Variants in CCSER1 observed in about 807,000 individuals in gnomAD.
CCSER1 encodes serine-rich coiled-coil domain-containing protein 1.
A neutral mutation model predicts 82.0 loss-of-function variants in CCSER1; 41 were observed. That is an observed-to-expected ratio of 0.50 (90% confidence interval 0.39 to 0.65). The LOEUF is 0.65. Ranked by LOEUF, CCSER1 falls within the 30% of genes least tolerant of loss-of-function variation. The pLI is 0.00. For missense variants in CCSER1, 1,119 were observed against 1,064.2 expected, an observed-to-expected ratio of 1.05 and a Z score of -0.72; for synonymous variants, 414 against 383.9, an observed-to-expected ratio of 1.08 and a Z score of -0.92.
chr4:91,348,505 A>G (rs1748227737), intron 10 of CCSER1, among the ~76,000 whole-genome samples: 1 of 152,208 alleles, frequency 6.6e-6, no homozygotes, highest in Admixed American at 6.5e-5. Context: ...GTTAGGAAAT[A>G]TTCCCACTAC....
intron 5 of CCSER1, among the ~76,000 whole-genome samples, chr4:90,470,284 A>G (rs1764188658): frequency 6.6e-6 from 1 of 152,132 alleles, no homozygotes; most frequent in African/African-American, 2.4e-5. Context: ...ATCTCCTAAA[A>G]TATATCTTCA....
rs192601726 is a variant in CCSER1, at chr4:90,163,034, C to T, written c.-42+35203C>T. 7.0e-3 allele frequency among the ~76,000 whole-genome samples: 1,058 copies of T among 152,164 alleles called. 10 individuals carry two copies. Among genetic ancestry groups the T allele is most frequent in the African/African-American group, 0.024 (982 of 41,528 alleles). ...TATTCCTGTGTTTGTTTCAGTTTAT[C>T]ATGTTTTTACACATTTTGAAAGAAG... On this transcript the variant is annotated intron_variant, in intron 1 of 10. Coordinates refer to ENST00000509176, the MANE Select transcript of CCSER1 (RefSeq NM_001145065.2).
intron 4 of CCSER1, among the ~76,000 whole-genome samples, chr4:90,440,210 GC>G (rs200977479): frequency 0.019 from 2,952 of 152,066 alleles, 87 homozygotes; most frequent in Admixed American, 0.083. Flanking sequence ...TTGGTTAGTT[GC>G]CCAGGCTGGT....
At chr4:90,979,987 TA>T (rs564843610) in intron 9 of CCSER1, among the ~76,000 whole-genome samples, 2 of 127,968 alleles carry the variant, frequency 1.6e-5, no homozygotes, top group African/African-American at 2.7e-5. Context: ...AAACTATAAC[TA>T]AAAAAAAATA....
chr4:90,632,350 A>C (rs2148937527), intron 6 of CCSER1, among the ~76,000 whole-genome samples: 1 of 152,108 alleles, frequency 6.6e-6, no homozygotes, highest in South Asian at 2.1e-4. Context: ...TTTAATAAAA[A>C]TTTTCATCAA....
At chr4:91,049,041 T>G (rs1045036689) in intron 9 of CCSER1, among the ~76,000 whole-genome samples, 2 of 152,138 alleles carry the variant, frequency 1.3e-5, no homozygotes, top group Non-Finnish European at 2.9e-5. Flanking sequence ...AGACTAACAA[T>G]TGACCTTAGG....
chr4:90,780,768 C>A, intron 7 of CCSER1: 4 of 1,181,030 alleles, frequency 3.4e-6, no homozygotes, highest in Non-Finnish European at 4.2e-6. Flanking sequence ...TAAAGGTAAA[C>A]TAAATTGACT....
intron 5 of CCSER1, among the ~76,000 whole-genome samples, chr4:90,480,900 T>C (rs1437943194): frequency 6.6e-6 from 1 of 152,188 alleles, no homozygotes; most frequent in African/African-American, 2.4e-5. Flanking sequence ...AGTAGTTTTT[T>C]CCAATTCTGT....
chr4:90,490,444 T>A (rs1168403947), intron 5 of CCSER1, among the ~76,000 whole-genome samples: 1 of 152,178 alleles, frequency 6.6e-6, no homozygotes. Context: ...ATGAGTAGAT[T>A]GCAAAAATTT....
chr4:91,036,067 T>C (rs1167486558), intron 9 of CCSER1, among the ~76,000 whole-genome samples: 5 of 152,144 alleles, frequency 3.3e-5, no homozygotes, highest in Admixed American at 6.5e-5. Flanking sequence ...GAAAATATGT[T>C]TGTGTGAAGC....
At chr4:90,236,890 C>G (rs892524457) in intron 1 of CCSER1, among the ~76,000 whole-genome samples, 27 of 151,950 alleles carry the variant, frequency 1.8e-4, no homozygotes, top group African/African-American at 6.5e-4. Flanking sequence ...GTATATTTAG[C>G]ACGCATTTTT....
chr4:91,603,087 C>T lies in CCSER1; in HGVS notation c.*4030C>T, dbSNP rs547422164. 6.6e-6 allele frequency among the ~76,000 whole-genome samples: 1 copy of T among 152,010 alleles called. No homozygotes were observed. Among genetic ancestry groups the T allele is most frequent in the South Asian group, 2.1e-4 (1 of 4,812 alleles). On this transcript the variant is annotated 3_prime_UTR_variant, in exon 11 of 11. Coordinates refer to ENST00000509176, the MANE Select transcript of CCSER1 (RefSeq NM_001145065.2). ...CATGACAACTCTAGGCTGTAGAAGG[C>T]GTAATATAAAATACAAACTAGTTTT...
intron 3 of CCSER1, among the ~76,000 whole-genome samples, chr4:90,321,680 A>G (rs1340604994): frequency 6.6e-6 from 1 of 152,114 alleles, no homozygotes. Flanking sequence ...CTTTTCATCA[A>G]CAGTGTACAA....
At chr4:90,914,197 C>T (rs1055463917) in intron 8 of CCSER1, among the ~76,000 whole-genome samples, 3 of 152,130 alleles carry the variant, frequency 2.0e-5, no homozygotes, top group Admixed American at 6.6e-5. Context: ...ATACATTATT[C>T]TCAGCCCCAC....
intron 10 of CCSER1, among the ~76,000 whole-genome samples, chr4:91,195,850 G>A (rs1735362068): frequency 6.6e-6 from 1 of 151,874 alleles, no homozygotes; most frequent in Non-Finnish European, 1.5e-5. Context: ...TTCTTACTCT[G>A]CAGTGATTCA....
At chr4:91,041,896 TTGAC>T (rs1340184717) in intron 9 of CCSER1, among the ~76,000 whole-genome samples, 4 of 152,218 alleles carry the variant, frequency 2.6e-5, no homozygotes, top group Admixed American at 1.3e-4. Flanking sequence ...CAGACATTGT[TTGAC>T]TGATCGCAAT....
intron 10 of CCSER1, among the ~76,000 whole-genome samples, chr4:91,221,841 A>T (rs1014137942): frequency 6.6e-6 from 1 of 152,150 alleles, no homozygotes; most frequent in African/African-American, 2.4e-5. Context: ...TGATAAGGTT[A>T]TGCTCAGAAA....
At chr4:91,305,550 C>G (rs1274905764) in intron 10 of CCSER1, among the ~76,000 whole-genome samples, 1 of 152,022 alleles carries the variant, frequency 6.6e-6, no homozygotes, top group Non-Finnish European at 1.5e-5. Flanking sequence ...ACTTCCCACA[C>G]TGTAATTAAT....
intron 8 of CCSER1, among the ~76,000 whole-genome samples, chr4:90,829,323 G>C (rs1760851846): frequency 6.6e-6 from 1 of 152,050 alleles, no homozygotes; most frequent in Non-Finnish European, 1.5e-5. Flanking sequence ...TGATTTTTTA[G>C]ATAGAATGGT....
Sources: gnomAD v4.1 joint callset for allele counts (sites outside exome capture counted in the v4.1 genomes callset) on GRCh38, gnomAD v4.1.1 for gene constraint, MANE v1.5 for transcripts, NCBI Gene and HGNC (gene_info 2026-07-23, HGNC 2026-07-21) for gene names.